DCC: variants seen among roughly 807,000 people sequenced by gnomAD.
DCC encodes the protein netrin receptor DCC.
In DCC, 58 loss-of-function variants were observed where a neutral mutation model predicts 172.5. The ratio of observed to expected loss-of-function variants is 0.34; its 90% CI spans 0.27 to 0.42. The LOEUF is 0.42. DCC is among the 10% of genes least tolerant of loss of function. The pLI is 1.00. For synonymous variants in DCC, 709 were observed against 644.5 expected (o/e 1.10, Z -1.52); for missense variants, 1,740 against 1,791.0 (o/e 0.97, Z 0.51).
intron 5 of DCC, among the ~76,000 whole-genome samples, chr18:53,043,160 C>T (rs180930543): frequency 9.1e-4 from 138 of 151,988 alleles, no homozygotes; most frequent in African/African-American, 2.9e-3. Context: ...AGTTCATGCC[C>T]TTTACAAGGA....
At chr18:53,169,477 C>A (rs1300367400) in intron 8 of DCC, among the ~76,000 whole-genome samples, 2 of 152,126 alleles carry the variant, frequency 1.3e-5, no homozygotes, top group Non-Finnish European at 1.5e-5. Flanking sequence ...TTCAGGCAGG[C>A]ACAAGTGGCT....
chr18:53,323,761 A>T (rs537495378), intron 14 of DCC, among the ~76,000 whole-genome samples: 1 of 152,040 alleles, frequency 6.6e-6, no homozygotes, highest in Non-Finnish European at 1.5e-5. Context: ...TTAAATTGAG[A>T]CCTGAAGGAT....
At chr18:52,881,599 A>T (rs1202491461) in intron 2 of DCC, among the ~76,000 whole-genome samples, 2 of 152,150 alleles carry the variant, frequency 1.3e-5, no homozygotes, top group Non-Finnish European at 2.9e-5. Context: ...CATTGTTGAA[A>T]ATGATTTACT....
intron 1 of DCC, among the ~76,000 whole-genome samples, chr18:52,523,699 T>C (rs972283677): frequency 2.6e-5 from 4 of 152,194 alleles, no homozygotes; most frequent in Admixed American, 2.0e-4. Context: ...AACAAAGCCC[T>C]GTTGCAAATT....
At chr18:53,019,860 G>T (rs2041855382) in intron 5 of DCC, among the ~76,000 whole-genome samples, 1 of 152,106 alleles carries the variant, frequency 6.6e-6, no homozygotes, top group African/African-American at 2.4e-5. Flanking sequence ...TTTATTGTCT[G>T]ACCCTTTACA....
At chr18:52,594,591 A>G (rs866376713) in intron 1 of DCC, among the ~76,000 whole-genome samples, 9 of 152,188 alleles carry the variant, frequency 5.9e-5, no homozygotes, top group African/African-American at 2.2e-4. Flanking sequence ...TATAATAAAT[A>G]CCAGAGACTG....
Position 53,339,858 on chromosome 18 carries a change from G to A in DCC, c.2310G>A (p.Glu770=), listed in dbSNP as rs2057635650. 9 of 1,613,916 alleles carry A rather than the reference G, an allele frequency of 5.6e-6. No homozygotes were observed. Among genetic ancestry groups the A allele is most frequent in the African/African-American group, 1.3e-5 (1 of 75,018 alleles). The change falls in exon 15 of 29, where the codon GAG becomes GAA. Residue 770 remains glutamate (E), a synonymous_variant. Transcript: ENST00000442544. ...IGYGVGSPYA[E]TVRVDSKQRY... is the part of the protein sequence containing the mutation. ...ATGGCGTTGGGAGCCCTTACGCTGA[G>A]ACAGTGCGTGTGGACAGCAAGCAGC... is the stretch of plus-strand genomic sequence containing the variant.
At chr18:53,222,443 G>A (rs2055955651) in intron 12 of DCC, among the ~76,000 whole-genome samples, 1 of 135,540 alleles carries the variant, frequency 7.4e-6, no homozygotes, top group Non-Finnish European at 1.5e-5. Context: ...GCAGTGCAGT[G>A]GTGTGATCTC....
At chr18:52,952,700 T>TAA (rs2040671129) in intron 5 of DCC, among the ~76,000 whole-genome samples, 1 of 152,140 alleles carries the variant, frequency 6.6e-6, no homozygotes, top group Admixed American at 6.5e-5. Context: ...ATTTCTCACT[T>TAA]ATTTAAATCC....
chr18:52,702,879 A>T (rs1161310543), intron 1 of DCC, among the ~76,000 whole-genome samples: 3 of 152,254 alleles, frequency 2.0e-5, no homozygotes, highest in Non-Finnish European at 4.4e-5. Context: ...TAGAATATGC[A>T]TTTACAAGAC....
chr18:53,276,229 G>T (rs2056805352), intron 12 of DCC, among the ~76,000 whole-genome samples: 1 of 152,058 alleles, frequency 6.6e-6, no homozygotes, highest in African/African-American at 2.4e-5. Context: ...CTCAACTGGG[G>T]TTCTTTAATC....
chr18:52,414,943 C>A (rs2144412703), intron 1 of DCC, among the ~76,000 whole-genome samples: 1 of 152,256 alleles, frequency 6.6e-6, no homozygotes, highest in South Asian at 2.1e-4. Flanking sequence ...AGAAATTAGT[C>A]TTTTTGTTAG....
intron 2 of DCC, among the ~76,000 whole-genome samples, chr18:52,756,132 G>A (rs1217656714): frequency 6.6e-6 from 1 of 152,178 alleles, no homozygotes; most frequent in South Asian, 2.1e-4. Context: ...TCATCATACT[G>A]GCTGAAATTT....
chr18:53,252,935 AATT>A (rs1251331990), intron 12 of DCC, among the ~76,000 whole-genome samples: 1 of 152,068 alleles, frequency 6.6e-6, no homozygotes, highest in African/African-American at 2.4e-5. Flanking sequence ...TAAAGGATAG[AATT>A]ATAACATGCT....
intron 7 of DCC, among the ~76,000 whole-genome samples, chr18:53,156,352 C>A (rs149277845): frequency 3.3e-4 from 50 of 151,690 alleles, no homozygotes; most frequent in African/African-American, 1.2e-3. Context: ...GGCGTGGGGG[C>A]ACATGCCTGT....
At chr18:53,022,571 A>G (rs920653186) in intron 5 of DCC, among the ~76,000 whole-genome samples, 2 of 144,656 alleles carry the variant, frequency 1.4e-5, no homozygotes, top group Non-Finnish European at 3.0e-5. Context: ...GTGTGTGTGT[A>G]TCACTAACGG....
intron 5 of DCC, among the ~76,000 whole-genome samples, chr18:52,966,072 T>G (rs1388795000): frequency 6.6e-6 from 1 of 152,272 alleles, no homozygotes; most frequent in East Asian, 1.9e-4. Flanking sequence ...ATACCTGAGA[T>G]AGACTGCTAG....
chr18:53,401,578 G>C (rs17506491), intron 18 of DCC, among the ~76,000 whole-genome samples: 64,503 of 151,976 alleles, frequency 0.42, 15,466 homozygotes, highest in Non-Finnish European at 0.55. Flanking sequence ...ACAGAAGTAC[G>C]AAAGAGAATA....
chr18:53,036,379 G>A (rs1263448635), intron 5 of DCC, among the ~76,000 whole-genome samples: 4 of 151,930 alleles, frequency 2.6e-5, no homozygotes, highest in Admixed American at 1.3e-4. Flanking sequence ...TAGGTGAATA[G>A]AGAAAACTGC....
Sources: gnomAD v4.1 joint callset for allele counts (sites outside exome capture counted in the v4.1 genomes callset) on GRCh38, gnomAD v4.1.1 for gene constraint, MANE v1.5 for transcripts, NCBI Gene and HGNC (gene_info 2026-07-23, HGNC 2026-07-21) for gene names.